ST7: variants seen among roughly 807,000 people sequenced by gnomAD.
ST7 encodes suppression of tumorigenicity 7.
A neutral mutation model predicts 78.7 loss-of-function variants in ST7; 28 were observed. That is an observed-to-expected ratio of 0.36 (90% CI 0.26 to 0.49). The LOEUF is 0.49. Among genes scored for constraint, ST7 ranks in the 20% least tolerant of loss-of-function variants. ST7 has a pLI of 0.99. For synonymous variants in ST7, 247 were observed against 249.6 expected, an observed-to-expected ratio of 0.99 and a Z score of 0.10; for missense variants, 418 against 696.0, an observed-to-expected ratio of 0.60 and a Z score of 4.49.
chr7:117,060,823 T>G (rs927155183), intron 1 of ST7, among the ~76,000 whole-genome samples: 1 of 152,066 alleles, frequency 6.6e-6, no homozygotes, highest in Non-Finnish European at 1.5e-5. Flanking sequence ...CTGGCCAACA[T>G]GGTGAAACTT....
At chr7:117,157,806 G>A (rs1476707873) in intron 9 of ST7, among the ~76,000 whole-genome samples, 1 of 152,188 alleles carries the variant, frequency 6.6e-6, no homozygotes, top group Non-Finnish European at 1.5e-5. Context: ...ATCGCCCTCT[G>A]TCTGTGGGCC....
At chr7:117,228,093 AG>A (rs1193603509) in intron 15 of ST7, among the ~76,000 whole-genome samples, 1 of 152,136 alleles carries the variant, frequency 6.6e-6, no homozygotes, top group Non-Finnish European at 1.5e-5. Flanking sequence ...TTGAGCCTGG[AG>A]GGCCCACCCT....
chr7:117,052,164 C>CAA, intron 1 of ST7, among the ~76,000 whole-genome samples: 1 of 146,214 alleles, frequency 6.8e-6, no homozygotes, highest in African/African-American at 2.5e-5. Context: ...GATTTAAAAA[C>CAA]AAAAAAAAAA....
At chr7:117,146,313 A>G (rs1256459004) in intron 9 of ST7, 1 of 152,310 alleles carries the variant, frequency 6.6e-6, no homozygotes, top group African/African-American at 2.4e-5. Context: ...GCCCTGAGGC[A>G]GCAGTATGTC....
At chr7:116,979,143 T>G (rs1303981778) in intron 1 of ST7, among the ~76,000 whole-genome samples, 1 of 152,180 alleles carries the variant, frequency 6.6e-6, no homozygotes, top group Non-Finnish European at 1.5e-5. Context: ...GAAAACGCTC[T>G]GTGCCTATTT....
chr7:117,121,807 C>A (rs1052269835), intron 3 of ST7, among the ~76,000 whole-genome samples: 13 of 151,874 alleles, frequency 8.6e-5, no homozygotes, highest in Admixed American at 7.2e-4. Flanking sequence ...TATACAAGAC[C>A]AGGTTCATAA....
intron 1 of ST7, among the ~76,000 whole-genome samples, chr7:116,967,947 T>G (rs1793210396): frequency 6.6e-6 from 1 of 152,246 alleles, no homozygotes; most frequent in African/African-American, 2.4e-5. Flanking sequence ...CTGTTTCCAT[T>G]CAGTTTTGGG....
intron 13 of ST7, among the ~76,000 whole-genome samples, chr7:117,212,519 GT>G (rs998938426): frequency 6.6e-6 from 1 of 152,130 alleles, no homozygotes; most frequent in Non-Finnish European, 1.5e-5. Flanking sequence ...TGTTTAGAAA[GT>G]TAATCATCCT....
At chr7:117,053,603 G>C (rs1797903717) in intron 1 of ST7, among the ~76,000 whole-genome samples, 1 of 152,188 alleles carries the variant, frequency 6.6e-6, no homozygotes, top group African/African-American at 2.4e-5. Flanking sequence ...AGTCCCTTGG[G>C]TCTCAGCAGG....
intron 1 of ST7, chr7:116,972,092 A>G (rs1246036212): frequency 1.9e-6 from 1 of 529,510 alleles, no homozygotes; most frequent in Non-Finnish European, 3.7e-6. Flanking sequence ...GTTAAAGGTC[A>G]GCTTCAGGCA....
At chr7:117,193,984 C>G (rs1016274531) in intron 12 of ST7, among the ~76,000 whole-genome samples, 1 of 152,180 alleles carries the variant, frequency 6.6e-6, no homozygotes, top group Admixed American at 6.6e-5. Context: ...TAGGAACTCT[C>G]TTCACTTGCA....
intron 1 of ST7, chr7:116,968,623 C>A: frequency 4.6e-6 from 1 of 216,302 alleles, no homozygotes; most frequent in East Asian, 1.1e-4. Context: ...GGAATGATGA[C>A]CAAGACATGG....
At chr7:117,040,972 C>T (rs1436852869) in intron 1 of ST7, among the ~76,000 whole-genome samples, 1 of 152,218 alleles carries the variant, frequency 6.6e-6, no homozygotes, top group Non-Finnish European at 1.5e-5. Flanking sequence ...CTACTTCCTT[C>T]ACTATCTACC....
At chr7:117,055,460 T>A (rs1490593880) in intron 1 of ST7, among the ~76,000 whole-genome samples, 1 of 152,172 alleles carries the variant, frequency 6.6e-6, no homozygotes, top group African/African-American at 2.4e-5. Context: ...TGCCTCGGCC[T>A]CCCAAAGTGC....
intron 12 of ST7, among the ~76,000 whole-genome samples, chr7:117,200,159 T>A (rs1357759285): frequency 7.2e-5 from 11 of 152,186 alleles, no homozygotes; most frequent in African/African-American, 2.4e-4. Flanking sequence ...TTAACTTTTT[T>A]AAAGCAATAA....
rs575108667 is a variant in ST7 at position 116,996,232 on chromosome 7, CCA to C, written c.151+42543_151+42544del. 2.1e-4 allele frequency among the ~76,000 whole-genome samples: 32 copies of C among 152,228 alleles called. No individual in the cohort carries two copies. In the South Asian group the frequency reaches 5.8e-3, roughly 28 times the overall value. ...GAGTAGCTGGGACTACAGGCATGTG[CCA>C]CCACACCCGGCTAATTTTTTGTATT... On this transcript the variant is annotated intron_variant, in intron 1 of 15. Transcript: ENST00000323984.
At chr7:117,134,005 A>AT (rs1804577475) in intron 6 of ST7, 119 bp from the exon 7 acceptor site, 7 of 1,347,830 alleles carry the variant, frequency 5.2e-6, no homozygotes, top group Non-Finnish European at 7.0e-6. Context: ...TTTTCTTTGA[A>AT]TTTTTTGAAG....
intron 10 of ST7, among the ~76,000 whole-genome samples, chr7:117,171,844 A>G (rs1011752895): frequency 6.6e-6 from 1 of 152,056 alleles, no homozygotes; most frequent in Non-Finnish European, 1.5e-5. Context: ...TTTTTGCTTT[A>G]TGAAATATTT....
At chr7:117,051,122 A>T (rs956070524) in intron 1 of ST7, among the ~76,000 whole-genome samples, 2 of 152,230 alleles carry the variant, frequency 1.3e-5, no homozygotes, top group Non-Finnish European at 2.9e-5. Flanking sequence ...TACAAATGAA[A>T]CAAAGTATTC....
Sources: gnomAD v4.1 joint callset for allele counts (sites outside exome capture counted in the v4.1 genomes callset) on GRCh38, gnomAD v4.1.1 for gene constraint, MANE v1.5 for transcripts, NCBI Gene and HGNC (gene_info 2026-07-23, HGNC 2026-07-21) for gene names.